The following BMP5 variants were observed in gnomAD, a reference collection of about 807,000 sequenced individuals.
BMP5 encodes bone morphogenetic protein 5.
In BMP5, 23 loss-of-function variants were observed where a neutral mutation model predicts 46.6. The observed-to-expected ratio is 0.49, with a 90% CI of 0.35 to 0.70. BMP5 has a LOEUF of 0.70. Ranked by LOEUF, BMP5 falls within the 30% of genes least tolerant of loss-of-function variation. BMP5 has a pLI of 0.00. For synonymous variants in BMP5, 204 were observed against 191.9 expected, an observed-to-expected ratio of 1.06 and a Z score of -0.52; for missense variants, 545 against 565.6, an observed-to-expected ratio of 0.96 and a Z score of 0.37.
chr6:55,759,910 G>A (rs1385568949), intron 5 of BMP5, among the ~76,000 whole-genome samples: 1 of 151,780 alleles, frequency 6.6e-6, no homozygotes, highest in Non-Finnish European at 1.5e-5. Flanking sequence ...CATTCTAATA[G>A]AATATTAGGA....
chr6:55,794,076 A>C (rs1418269178), intron 3 of BMP5, among the ~76,000 whole-genome samples: 1 of 151,968 alleles, frequency 6.6e-6, no homozygotes, highest in Non-Finnish European at 1.5e-5. Flanking sequence ...TTTACCTCCC[A>C]CCCCAGAGCC....
intron 4 of BMP5, among the ~76,000 whole-genome samples, chr6:55,764,730 A>C (rs1227204091): frequency 1.3e-5 from 2 of 151,980 alleles, no homozygotes; most frequent in Non-Finnish European, 2.9e-5. Context: ...AAAAAAAAAA[A>C]AAAAGATCTC....
chr6:55,795,949 A>C (rs1215870985), intron 2 of BMP5, among the ~76,000 whole-genome samples: 1 of 152,176 alleles, frequency 6.6e-6, no homozygotes, highest in Admixed American at 6.5e-5. Flanking sequence ...TTATAGTCCC[A>C]GTGTGATAGC....
chr6:55,812,867 G>T (rs545684477), intron 2 of BMP5, among the ~76,000 whole-genome samples: 104 of 152,254 alleles, frequency 6.8e-4, no homozygotes, highest in African/African-American at 2.2e-3. Flanking sequence ...TTTTAACTGT[G>T]ATCATGTGAT....
intron 3 of BMP5, among the ~76,000 whole-genome samples, chr6:55,792,315 C>T (rs565557498): frequency 6.6e-6 from 1 of 152,178 alleles, no homozygotes; most frequent in Admixed American, 6.5e-5. Flanking sequence ...GGGCGGATCA[C>T]GAGGTCAGGA....
intron 3 of BMP5, among the ~76,000 whole-genome samples, chr6:55,777,885 C>T (rs748546503): frequency 4.6e-5 from 7 of 152,104 alleles, no homozygotes; most frequent in Middle Eastern, 3.4e-3. Flanking sequence ...TACTTTGGAA[C>T]TTAGTTAACA....
In BMP5 at chr6:55,769,319, C is replaced by A. The variant is rs114031520; in HGVS notation, c.1027+4730G>T. Among the ~76,000 whole-genome samples the A allele has an allele frequency of 5.4e-3, 826 of 151,990 alleles. 6 individuals carry two copies. Among genetic ancestry groups the A allele is most frequent in the African/African-American group, 0.019 (795 of 41,510 alleles). On this transcript the variant is annotated intron_variant, in intron 4 of 6. Transcript: ENST00000370830. ...AATAAACTTATTTAAAATGCTAAATCCTTTGTTGTCATTACAATTGCATTC... is the reference window on the plus strand; with the variant it reads ...AATAAACTTATTTAAAATGCTAAATACTTTGTTGTCATTACAATTGCATTC...
rs1562023483 is a variant in BMP5 at position 55,759,172 on chromosome 6, A to AAAAAAAAAAAAAAAAAAAAAAAAAAC, written c.1105-58_1105-57insGTTTTTTTTTTTTTTTTTTTTTTTTT. 44 of 738,890 alleles carry AAAAAAAAAAAAAAAAAAAAAAAAAAC rather than the reference A, an allele frequency of 6.0e-5. 2 individuals carry two copies. Among genetic ancestry groups the AAAAAAAAAAAAAAAAAAAAAAAAAAC allele is most frequent in the South Asian group, 3.3e-4 (16 of 48,044 alleles). 45.8% of individuals were successfully genotyped at this position (738,890 alleles called of 1,614,324 possible). ...AAAAAAAAAAAAAAAAAAAAAAAAA[A>AAAAAAAAAAAAAAAAAAAAAAAAAAC]AAAAAAAAAAACAACAAGAAAAAAT... On this transcript the variant is annotated intron_variant, in intron 5 of 6. Coordinates refer to ENST00000370830, the MANE Select transcript of BMP5 (RefSeq NM_021073.4).
At chr6:55,783,922 T>C (rs1437970355) in intron 3 of BMP5, among the ~76,000 whole-genome samples, 38 of 152,070 alleles carry the variant, frequency 2.5e-4, no homozygotes, top group Non-Finnish European at 2.5e-4. Flanking sequence ...TAGTAAAATA[T>C]ATATTTTGCC....
intron 3 of BMP5, among the ~76,000 whole-genome samples, chr6:55,792,474 C>CA (rs1324553587): frequency 6.9e-6 from 1 of 145,404 alleles, no homozygotes; most frequent in East Asian, 2.0e-4. Context: ...GCAGAGCTTG[C>CA]AGTGAGCCGA....
chr6:55,763,673 G>A (rs2045243602), intron 4 of BMP5, among the ~76,000 whole-genome samples: 1 of 152,046 alleles, frequency 6.6e-6, no homozygotes, highest in African/African-American at 2.4e-5. Context: ...AAGAGTCATG[G>A]CAAAAATTAT....
chr6:55,760,902 T>TTA (rs750720556), intron 4 of BMP5, among the ~76,000 whole-genome samples: 27 of 149,460 alleles, frequency 1.8e-4, no homozygotes, highest in East Asian at 9.9e-4. Context: ...TTGAGAGAGA[T>TTA]TATATATATA....
intron 2 of BMP5, among the ~76,000 whole-genome samples, chr6:55,806,039 G>A: frequency 6.6e-6 from 1 of 152,076 alleles, no homozygotes; most frequent in East Asian, 1.9e-4. Context: ...TCTGATGATA[G>A]TTTCTTTTGC....
chr6:55,757,473 C>T (rs1562022632), intron 6 of BMP5, among the ~76,000 whole-genome samples: 2 of 151,936 alleles, frequency 1.3e-5, no homozygotes, highest in South Asian at 2.1e-4. Context: ...AACATGAATT[C>T]TCATATACAA....
intron 2 of BMP5, among the ~76,000 whole-genome samples, chr6:55,803,175 A>T (rs1775893872): frequency 6.6e-6 from 1 of 151,474 alleles, no homozygotes; most frequent in South Asian, 2.1e-4. Flanking sequence ...AGGCGCCTGT[A>T]ATCCCAGCTA....
At chr6:55,774,420 T>A (rs536905359) in intron 3 of BMP5, among the ~76,000 whole-genome samples, 177 bp from the exon 4 acceptor site, 1 of 151,940 alleles carries the variant, frequency 6.6e-6, no homozygotes, top group Non-Finnish European at 1.5e-5. Context: ...CAATTATCCA[T>A]CTATGGTGTT....
In BMP5 at chr6:55,796,846, T is replaced by C. The variant is rs187444280; in HGVS notation, c.684-2419A>G. 1.6e-3 allele frequency among the ~76,000 whole-genome samples: 249 copies of C among 152,232 alleles called. 1 individual carries two copies. The highest frequency in any genetic ancestry group is 5.7e-3 in the African/African-American group (236 of 41,562). On this transcript the variant is annotated intron_variant, in intron 2 of 6. Transcript: ENST00000370830. ...GGCCTAAATATCTGAATTTCGGTGA[T>C]GCAAATTGCAATTCATTGGAAAGTA...
Position 55,856,025 on chromosome 6 carries a change from A to G in BMP5, c.490+18351T>C, listed in dbSNP as rs140265550. ...TACAGAATAGTTCCATTACCTGTTC[A>G]TGGCTCTTTTGTAGTCAGTCTTTCA... On this transcript the variant is annotated intron_variant, in intron 1 of 6. Transcript: ENST00000370830. Among the ~76,000 whole-genome samples, 64 of 152,224 alleles carry G rather than the reference A, an allele frequency of 4.2e-4. 1 individual carries two copies. The East Asian group carries it at 8.5e-3, about 20-fold the overall frequency.
chr6:55,819,305 T>C (rs1776352440), intron 2 of BMP5, among the ~76,000 whole-genome samples: 1 of 152,174 alleles, frequency 6.6e-6, no homozygotes, highest in Non-Finnish European at 1.5e-5. Flanking sequence ...GAACACCAAG[T>C]AATTTCATTA....
Sources: gnomAD v4.1 joint callset for allele counts (sites outside exome capture counted in the v4.1 genomes callset) on GRCh38, gnomAD v4.1.1 for gene constraint, MANE v1.5 for transcripts, NCBI Gene and HGNC (gene_info 2026-07-23, HGNC 2026-07-21) for gene names.